FHIT: variants seen among roughly 807,000 people sequenced by gnomAD.
FHIT encodes the protein fragile histidine triad diadenosine triphosphatase, also known as bis(5'-adenosyl)-triphosphatase.
In FHIT, 19 loss-of-function variants were observed where a neutral mutation model predicts 17.9. That is an observed-to-expected ratio of 1.06 (90% CI 0.74 to 1.56). FHIT has a LOEUF of 1.56. FHIT is among the 40% of genes most tolerant of loss of function. FHIT has a pLI of 0.00. For synonymous variants in FHIT, 81 were observed against 69.7 expected (o/e 1.16, Z -0.81); for missense variants, 248 against 189.2 (o/e 1.31, Z -1.82).
At chr3:60,519,074 G>T (rs1374251809) in intron 5 of FHIT, among the ~76,000 whole-genome samples, 2 of 152,164 alleles carry the variant, frequency 1.3e-5, no homozygotes, top group Non-Finnish European at 2.9e-5. Flanking sequence ...TTAAAATCAT[G>T]TTATAAAGTG....
chr3:60,238,970 T>C (rs1704964133), intron 5 of FHIT, among the ~76,000 whole-genome samples: 1 of 151,890 alleles, frequency 6.6e-6, no homozygotes, highest in Non-Finnish European at 1.5e-5. Flanking sequence ...GTCCAAGGAG[T>C]TCCATAGATA....
chr3:60,256,240 G>C (rs112594994), intron 5 of FHIT, among the ~76,000 whole-genome samples: 1 of 152,112 alleles, frequency 6.6e-6, no homozygotes, highest in African/African-American at 2.4e-5. Context: ...AAGAACTGGT[G>C]CCTCTTCCTG....
chr3:60,698,879 A>T (rs2107902934), intron 4 of FHIT, among the ~76,000 whole-genome samples: 1 of 152,300 alleles, frequency 6.6e-6, no homozygotes, highest in Non-Finnish European at 1.5e-5. Flanking sequence ...GAAATATAAA[A>T]AATAATCTAT....
intron 5 of FHIT, among the ~76,000 whole-genome samples, chr3:60,091,815 A>G (rs75603068): frequency 0.037 from 5,633 of 152,064 alleles, 161 homozygotes; most frequent in Non-Finnish European, 0.056. Flanking sequence ...TCCCTTTGCC[A>G]TGACTGGAAG....
intron 5 of FHIT, among the ~76,000 whole-genome samples, chr3:60,216,169 C>T (rs1006796000): frequency 6.6e-6 from 1 of 151,968 alleles, no homozygotes; most frequent in Non-Finnish European, 1.5e-5. Flanking sequence ...GGCCAGTTGC[C>T]CACAAGACTG....
At chr3:60,562,287 CA>C (rs556941460) in intron 4 of FHIT, among the ~76,000 whole-genome samples, 263 of 152,194 alleles carry the variant, frequency 1.7e-3, no homozygotes, top group Non-Finnish European at 2.5e-3. Flanking sequence ...TTCTCTGATC[CA>C]GGGGGAAAAG....
At chr3:60,992,480 A>C (rs2030320452) in intron 3 of FHIT, among the ~76,000 whole-genome samples, 1 of 152,220 alleles carries the variant, frequency 6.6e-6, no homozygotes. Context: ...CTTCAGGAAA[A>C]CGATGACCTC....
intron 1 of FHIT, among the ~76,000 whole-genome samples, chr3:61,202,366 C>T (rs571638252): frequency 5.2e-4 from 79 of 151,732 alleles, no homozygotes; most frequent in Non-Finnish European, 1.0e-3. Context: ...TGCCTCTGCC[C>T]GGCTGCCCAA....
chr3:60,152,294 T>C (rs1034985024), intron 5 of FHIT, among the ~76,000 whole-genome samples: 2 of 152,222 alleles, frequency 1.3e-5, no homozygotes, highest in Admixed American at 1.3e-4. Flanking sequence ...CACACATGTA[T>C]GTACACACAT....
At chr3:60,503,792 GT>G (rs1480874295) in intron 5 of FHIT, among the ~76,000 whole-genome samples, 1 of 152,124 alleles carries the variant, frequency 6.6e-6, no homozygotes, top group Admixed American at 6.6e-5. Context: ...ATCTAAAACT[GT>G]TTTGGAGAAG....
chr3:60,059,746 G>A (rs991982909), intron 5 of FHIT, among the ~76,000 whole-genome samples: 3 of 152,134 alleles, frequency 2.0e-5, no homozygotes, highest in Non-Finnish European at 4.4e-5. Flanking sequence ...CTGTGCCTAC[G>A]AGGTTCATGA....
chr3:60,790,875 A>C (rs1372336134), intron 4 of FHIT, among the ~76,000 whole-genome samples: 1 of 152,238 alleles, frequency 6.6e-6, no homozygotes, highest in African/African-American at 2.4e-5. Context: ...GCAAGATGTT[A>C]ACCATAATGA....
intron 8 of FHIT, among the ~76,000 whole-genome samples, chr3:59,906,781 A>G (rs1039600091): frequency 1.3e-5 from 2 of 152,244 alleles, no homozygotes; most frequent in African/African-American, 4.8e-5. Flanking sequence ...ATAGCATTCA[A>G]GATGATATTT....
At chr3:61,110,952 A>C (rs1172746373) in intron 2 of FHIT, among the ~76,000 whole-genome samples, 4 of 152,204 alleles carry the variant, frequency 2.6e-5, no homozygotes, top group African/African-American at 9.6e-5. Flanking sequence ...CTAGGAAAAC[A>C]AGTAACTTTG....
chr3:60,852,853 T>C, intron 3 of FHIT, among the ~76,000 whole-genome samples: 1 of 151,698 alleles, frequency 6.6e-6, no homozygotes, highest in East Asian at 1.9e-4. Flanking sequence ...AATCAAGATT[T>C]TTTCAAAAAA....
At chr3:60,711,795 G>A (rs2041540606) in intron 4 of FHIT, among the ~76,000 whole-genome samples, 1 of 152,020 alleles carries the variant, frequency 6.6e-6, no homozygotes, top group Non-Finnish European at 1.5e-5. Flanking sequence ...AAATCTGCAT[G>A]TTTGGTGTAC....
intron 5 of FHIT, among the ~76,000 whole-genome samples, chr3:60,328,928 C>T (rs781411098): frequency 6.6e-6 from 1 of 152,152 alleles, no homozygotes; most frequent in Non-Finnish European, 1.5e-5. Context: ...GATGGATAAC[C>T]ATAGCATGAT....
intron 2 of FHIT, among the ~76,000 whole-genome samples, chr3:61,052,230 A>C (rs909224390): frequency 3.3e-5 from 5 of 152,210 alleles, no homozygotes; most frequent in African/African-American, 1.2e-4. Context: ...AGTTGGCTGA[A>C]CCCTGATGCA....
At chr3:60,231,857 T>G (rs965256851) in intron 5 of FHIT, among the ~76,000 whole-genome samples, 44 of 152,270 alleles carry the variant, frequency 2.9e-4, no homozygotes, top group African/African-American at 1.0e-3. Flanking sequence ...CTCTAATCAT[T>G]TGACTTTAAG....
Sources: gnomAD v4.1 joint callset for allele counts (sites outside exome capture counted in the v4.1 genomes callset) on GRCh38, gnomAD v4.1.1 for gene constraint, MANE v1.5 for transcripts, NCBI Gene and HGNC (gene_info 2026-07-23, HGNC 2026-07-21) for gene names.